VPS13D: variants seen among roughly 807,000 people sequenced by gnomAD.
VPS13D encodes vacuolar protein sorting 13 homolog D.
Under a neutral mutation model 461.9 loss-of-function variants are expected in VPS13D, and 187 were observed. The ratio of observed to expected loss-of-function variants is 0.40; its 90% CI spans 0.36 to 0.46. The LOEUF (loss-of-function observed/expected upper bound fraction) is 0.46, where lower values mean the gene tolerates loss of function less well. Ranked by LOEUF, VPS13D falls within the 20% of genes least tolerant of loss-of-function variation. VPS13D has a pLI of 0.60. For synonymous variants in VPS13D, 1,951 were observed against 1,986.3 expected (o/e 0.98, Z 0.47); for missense variants, 4,711 against 5,364.9 (o/e 0.88, Z 3.81).
chr1:12,400,546 A>G (rs945380509), intron 61 of VPS13D, among the ~76,000 whole-genome samples: 2 of 152,196 alleles, frequency 1.3e-5, no homozygotes, highest in African/African-American at 2.4e-5. Flanking sequence ...GTTTGATGGT[A>G]CTGAGTCCAT....
intron 58 of VPS13D, 32 bp downstream of exon 58, chr1:12,383,187 C>G: frequency 1.3e-6 from 2 of 1,580,502 alleles, no homozygotes; most frequent in South Asian, 2.3e-5. Flanking sequence ...TGATGTGAAA[C>G]TCTGTACTTC....
intron 29 of VPS13D, among the ~76,000 whole-genome samples, chr1:12,312,575 T>C (rs1642783837): frequency 6.6e-6 from 1 of 152,136 alleles, no homozygotes; most frequent in Non-Finnish European, 1.5e-5. Flanking sequence ...CTGGGCAACA[T>C]AGTGAGAGAC....
intron 67 of VPS13D, among the ~76,000 whole-genome samples, chr1:12,491,623 A>G (rs1056820446): frequency 2.6e-5 from 4 of 152,190 alleles, no homozygotes; most frequent in African/African-American, 9.7e-5. Flanking sequence ...TATATCAGAT[A>G]GCAATGGCCA....
chr1:12,325,463 T>C (rs1341431089), intron 35 of VPS13D, among the ~76,000 whole-genome samples: 1 of 152,158 alleles, frequency 6.6e-6, no homozygotes, highest in Non-Finnish European at 1.5e-5. Context: ...TTTCCCTTTT[T>C]TGTACAGGCT....
chr1:12,447,973 G>A (rs918681282), intron 65 of VPS13D, among the ~76,000 whole-genome samples: 20 of 152,218 alleles, frequency 1.3e-4, no homozygotes, highest in African/African-American at 4.8e-4. Context: ...TTCAGTGGGG[G>A]AGAAAGAGGA....
intron 60 of VPS13D, among the ~76,000 whole-genome samples, chr1:12,390,913 C>T (rs934382848): frequency 6.6e-6 from 1 of 152,124 alleles, no homozygotes; most frequent in Non-Finnish European, 1.5e-5. Flanking sequence ...CAGAACAGGT[C>T]ATCCTATCCA....
intron 21 of VPS13D, among the ~76,000 whole-genome samples, chr1:12,284,237 A>G (rs973099672): frequency 6.6e-6 from 1 of 152,134 alleles, no homozygotes; most frequent in African/African-American, 2.4e-5. Flanking sequence ...CTTTCACTGT[A>G]CCCATATAGC....
At chr1:12,305,285 T>C (rs2101475445) in intron 26 of VPS13D, among the ~76,000 whole-genome samples, 1 of 152,266 alleles carries the variant, frequency 6.6e-6, no homozygotes, top group South Asian at 2.1e-4. Context: ...TATTTTTTTT[T>C]TCCCCTCAAG....
chr1:12,387,554 G>A (rs1224239331), intron 60 of VPS13D, among the ~76,000 whole-genome samples: 1 of 151,512 alleles, frequency 6.6e-6, no homozygotes, highest in Non-Finnish European at 1.5e-5. Context: ...AAAAGGTTAA[G>A]TAGGGAGACT....
chr1:12,241,933 G>A (rs1314122734), intron 2 of VPS13D, among the ~76,000 whole-genome samples: 1 of 152,096 alleles, frequency 6.6e-6, no homozygotes, highest in Non-Finnish European at 1.5e-5. Flanking sequence ...GGGCCCAGGA[G>A]CCTGCATTTC....
intron 46 of VPS13D, among the ~76,000 whole-genome samples, chr1:12,352,633 A>G (rs1643821148): frequency 6.6e-6 from 1 of 152,212 alleles, no homozygotes; most frequent in South Asian, 2.1e-4. Context: ...GTAAAATGGT[A>G]TAACTACTTT....
intron 65 of VPS13D, among the ~76,000 whole-genome samples, chr1:12,431,583 C>G (rs1644992728): frequency 6.6e-6 from 1 of 151,594 alleles, no homozygotes; most frequent in African/African-American, 2.4e-5. Flanking sequence ...ATTTTTTATC[C>G]ATTTGTGTGT....
chr1:12,459,671 G>A (rs1645381598), intron 66 of VPS13D, among the ~76,000 whole-genome samples: 1 of 151,820 alleles, frequency 6.6e-6, no homozygotes. Flanking sequence ...TAAAGATGGG[G>A]TTTCACCATG....
chr1:12,272,222 G>A (rs1641464430), intron 17 of VPS13D, among the ~76,000 whole-genome samples: 1 of 152,152 alleles, frequency 6.6e-6, no homozygotes, highest in South Asian at 2.1e-4. Flanking sequence ...CAGTTTCTCA[G>A]GTGACATGGA....
intron 25 of VPS13D, among the ~76,000 whole-genome samples, chr1:12,302,030 C>T (rs1463580449): frequency 6.6e-6 from 1 of 152,218 alleles, no homozygotes; most frequent in Non-Finnish European, 1.5e-5. Context: ...CACCTAGGCT[C>T]TGTGCTATAG....
chr1:12,328,163 G>C (rs1272240923), intron 36 of VPS13D, among the ~76,000 whole-genome samples: 1 of 152,036 alleles, frequency 6.6e-6, no homozygotes, highest in Admixed American at 6.6e-5. Flanking sequence ...AGATTGTAGT[G>C]AATACTGCTA....
intron 52 of VPS13D, among the ~76,000 whole-genome samples, chr1:12,364,079 G>C (rs781147533): frequency 2.0e-5 from 3 of 149,780 alleles, no homozygotes; most frequent in Admixed American, 6.7e-5. Flanking sequence ...TGGTAAAACA[G>C]ATATCAAATT....
intron 17 of VPS13D, among the ~76,000 whole-genome samples, chr1:12,271,972 G>T (rs1474805836): frequency 6.6e-6 from 1 of 151,460 alleles, no homozygotes; most frequent in Non-Finnish European, 1.5e-5. Flanking sequence ...TGGGATGATC[G>T]TTTGAGCTCA....
At chr1:12,404,031 GTGTTTACTA>G in intron 63 of VPS13D, 58 bp downstream of exon 63, 1 of 1,499,346 alleles carries the variant, frequency 6.7e-7, no homozygotes, top group Non-Finnish European at 9.0e-7. Context: ...AAGAATGAGT[GTGTTTACTA>G]TTTGTTGTTT....
Sources: allele counts gnomAD v4.1 joint callset (sites outside exome capture counted in the v4.1 genomes callset), GRCh38; gene constraint gnomAD v4.1.1; transcripts MANE v1.5; gene names NCBI Gene and HGNC (gene_info 2026-07-23, HGNC 2026-07-21).